The following FAF1 variants were observed in gnomAD, a reference collection of about 807,000 sequenced individuals.
FAF1 encodes FAS-associated factor 1.
A neutral mutation model predicts 92.5 loss-of-function variants in FAF1; 25 were observed. The observed-to-expected ratio is 0.27, with a 90% CI of 0.20 to 0.38. The LOEUF (loss-of-function observed/expected upper bound fraction) is 0.38. FAF1 is among the 10% of genes least tolerant of loss of function. FAF1 has a pLI of 1.00. For missense variants in FAF1, 636 were observed against 793.3 expected (o/e 0.80, Z 2.38); for synonymous variants, 234 against 273.2 (o/e 0.86, Z 1.42).
intron 6 of FAF1, among the ~76,000 whole-genome samples, chr1:50,707,043 A>C (rs1301195831): frequency 6.6e-6 from 1 of 152,082 alleles, no homozygotes; most frequent in Non-Finnish European, 1.5e-5. Flanking sequence ...CTCTACTAAA[A>C]ATGCAAAACA....
chr1:50,634,511 G>A (rs1478876961), intron 8 of FAF1, among the ~76,000 whole-genome samples: 1 of 152,178 alleles, frequency 6.6e-6, no homozygotes, highest in Non-Finnish European at 1.5e-5. Context: ...AGATTAAGTA[G>A]TGCACATATG....
intron 18 of FAF1, among the ~76,000 whole-genome samples, chr1:50,448,780 A>AT (rs1646258735): frequency 1.3e-5 from 2 of 152,148 alleles, no homozygotes; most frequent in Admixed American, 1.3e-4. Flanking sequence ...CCTGAGTGCT[A>AT]TGTCTATCTT....
intron 6 of FAF1, among the ~76,000 whole-genome samples, chr1:50,711,463 CTTTTTT>C (rs1160668174): frequency 3.7e-5 from 3 of 81,976 alleles, no homozygotes; most frequent in South Asian, 4.4e-4. Flanking sequence ...TCCACACTGA[CTTTTTT>C]TTTTTTTTTT....
chr1:50,959,819 G>T lies in FAF1; in HGVS notation c.-8C>A. On this transcript the variant is annotated 5_prime_UTR_variant, in exon 1 of 19. Coordinates refer to ENST00000396153, the MANE Select transcript of FAF1 (RefSeq NM_007051.3). The stretch of plus-strand genomic sequence containing the variant: ...GTCCATGTTGGACGCCATGGCGGCC[G>T]CCGAGTTCCGCGGCTCCGGGAGCGA... The T allele has an allele frequency of 1.3e-6, 2 of 1,557,508 alleles. No homozygotes were observed. The highest frequency in any genetic ancestry group is 1.7e-6 in the Non-Finnish European group (2 of 1,149,574).
chr1:50,779,592 AAT>A (rs1196957184), intron 4 of FAF1, among the ~76,000 whole-genome samples: 3 of 151,406 alleles, frequency 2.0e-5, no homozygotes, highest in African/African-American at 7.3e-5. Context: ...TTATATATAA[AAT>A]ACTCTATAAA....
At chr1:50,550,259 G>A (rs1649246771) in intron 13 of FAF1, among the ~76,000 whole-genome samples, 3 of 151,424 alleles carry the variant, frequency 2.0e-5, no homozygotes, top group Non-Finnish European at 2.9e-5. Flanking sequence ...GCTGAGGCAG[G>A]AGAATGGCGT....
chr1:50,507,270 AAAAGT>A (rs1647070943), intron 15 of FAF1, among the ~76,000 whole-genome samples: 1 of 152,248 alleles, frequency 6.6e-6, no homozygotes. Context: ...CAAAAAGAAT[AAAAGT>A]AAAGTAACTC....
At chr1:50,482,058 T>C (rs958426011) in intron 17 of FAF1, among the ~76,000 whole-genome samples, 4 of 152,234 alleles carry the variant, frequency 2.6e-5, no homozygotes, top group Non-Finnish European at 4.4e-5. Flanking sequence ...TGTACAGTTC[T>C]GTGAGTTTTG....
intron 15 of FAF1, among the ~76,000 whole-genome samples, chr1:50,512,781 G>A (rs1353253236): frequency 1.3e-5 from 2 of 152,174 alleles, no homozygotes; most frequent in South Asian, 4.1e-4. Flanking sequence ...GAAAGTCAAT[G>A]GTAGCTAGAT....
At chr1:50,619,977 C>G (rs527954001) in intron 8 of FAF1, among the ~76,000 whole-genome samples, 3 of 149,704 alleles carry the variant, frequency 2.0e-5, no homozygotes, top group African/African-American at 7.4e-5. Flanking sequence ...GGCACAATCT[C>G]GGCTCACTGC....
chr1:50,637,436 G>C (rs1327707807), intron 8 of FAF1, among the ~76,000 whole-genome samples: 1 of 151,024 alleles, frequency 6.6e-6, no homozygotes, highest in African/African-American at 2.4e-5. Context: ...CTAGGTGACA[G>C]AGCAAGACTC....
chr1:50,847,091 G>C (rs1192367735), intron 2 of FAF1, among the ~76,000 whole-genome samples: 1 of 152,154 alleles, frequency 6.6e-6, no homozygotes, highest in African/African-American at 2.4e-5. Context: ...TTCTTTGTCA[G>C]TGAGGACTTT....
At chr1:50,591,530 G>A (rs1009687468) in intron 9 of FAF1, among the ~76,000 whole-genome samples, 10 of 152,134 alleles carry the variant, frequency 6.6e-5, no homozygotes, top group South Asian at 4.2e-4. Context: ...AAATTTCACC[G>A]GGCATGGTGG....
chr1:50,722,155 C>T (rs1658436335), intron 6 of FAF1, among the ~76,000 whole-genome samples: 1 of 152,178 alleles, frequency 6.6e-6, no homozygotes, highest in African/African-American at 2.4e-5. Context: ...AGAGCATCAT[C>T]GCTTCATCCA....
At chr1:50,924,585 T>C (rs560896324) in intron 1 of FAF1, among the ~76,000 whole-genome samples, 2 of 152,118 alleles carry the variant, frequency 1.3e-5, no homozygotes, top group African/African-American at 2.4e-5. Flanking sequence ...AGAAGCACAA[T>C]AGACCCTGAA....
intron 1 of FAF1, among the ~76,000 whole-genome samples, chr1:50,895,475 G>A (rs1474008612): frequency 2.0e-5 from 3 of 151,906 alleles, no homozygotes; most frequent in Non-Finnish European, 2.9e-5. Flanking sequence ...AATCCCACTC[G>A]AACTATTACA....
intron 8 of FAF1, among the ~76,000 whole-genome samples, chr1:50,618,444 G>A (rs1291630482): frequency 1.8e-5 from 2 of 110,676 alleles, no homozygotes; most frequent in Non-Finnish European, 3.7e-5. Context: ...TGTATTTTCA[G>A]TAGAGATGGG....
At chr1:50,725,804 G>A (rs1315603258) in intron 6 of FAF1, among the ~76,000 whole-genome samples, 2 of 152,092 alleles carry the variant, frequency 1.3e-5, no homozygotes, top group Non-Finnish European at 2.9e-5. Context: ...TATCACAGGA[G>A]TCCCATTTAG....
chr1:50,587,091 G>A (rs1651272387), intron 9 of FAF1, among the ~76,000 whole-genome samples: 1 of 152,146 alleles, frequency 6.6e-6, no homozygotes, highest in African/African-American at 2.4e-5. Flanking sequence ...AGAAAAAAGG[G>A]AATGTTCTAT....
Sources: gnomAD v4.1 joint callset for allele counts (sites outside exome capture counted in the v4.1 genomes callset) on GRCh38, gnomAD v4.1.1 for gene constraint, MANE v1.5 for transcripts, NCBI Gene and HGNC (gene_info 2026-07-23, HGNC 2026-07-21) for gene names.